Variants in ELF1 observed in about 807,000 individuals in gnomAD.
ELF1 encodes the protein ETS-related transcription factor Elf-1.
ELF1 carries 24 observed loss-of-function variants against 59.9 expected under a neutral mutation model. That is an observed-to-expected ratio of 0.40 (90% CI 0.29 to 0.56). The LOEUF is 0.56. Ranked by LOEUF, ELF1 falls within the 20% of genes least tolerant of loss-of-function variation. The pLI is 0.44. For synonymous variants in ELF1, 248 were observed against 266.2 expected (o/e 0.93, Z 0.67); for missense variants, 627 against 742.2 (o/e 0.84, Z 1.80).
chr13:40,984,815 G>C (rs552020451), intron 1 of ELF1, among the ~76,000 whole-genome samples: 11 of 152,316 alleles, frequency 7.2e-5, no homozygotes, highest in Admixed American at 2.0e-4. Context: ...CCAATGGCCA[G>C]TGTGAATACG....
intron 2 of ELF1, among the ~76,000 whole-genome samples, chr13:40,972,015 TAATA>T (rs1872573889): frequency 6.6e-6 from 1 of 152,116 alleles, no homozygotes; most frequent in African/African-American, 2.4e-5. Flanking sequence ...CTAAGTAGAT[TAATA>T]AATATCAGAG....
intron 1 of ELF1, among the ~76,000 whole-genome samples, chr13:41,013,510 C>T (rs775813001): frequency 8.5e-5 from 13 of 152,056 alleles, no homozygotes; most frequent in Non-Finnish European, 1.2e-4. Flanking sequence ...AGAGGTAAAA[C>T]TATAAAGAAA....
chr13:41,046,321 G>T (rs1876845196), intron 1 of ELF1, among the ~76,000 whole-genome samples: 1 of 152,168 alleles, frequency 6.6e-6, no homozygotes, highest in Admixed American at 6.5e-5. Flanking sequence ...ATTTGATCCT[G>T]TCATTACTAT....
intron 1 of ELF1, among the ~76,000 whole-genome samples, chr13:41,045,418 T>C (rs932602312): frequency 2.0e-5 from 3 of 152,222 alleles, no homozygotes; most frequent in African/African-American, 4.8e-5. Flanking sequence ...CTTTCTCTTG[T>C]GGGCATTTAG....
rs564775203 is a variant in ELF1, at chr13:40,997,767, T to C, written c.-228-15485A>G. Among the ~76,000 whole-genome samples, 11 of 152,340 alleles carry C rather than the reference T, an allele frequency of 7.2e-5. No individual in the cohort carries two copies. In the South Asian group the frequency reaches 2.3e-3, roughly 32 times the overall value. On this transcript the variant is annotated intron_variant, in intron 1 of 8. Transcript: ENST00000239882. Reference sequence around the variant, plus strand: ...ATCATCAAAGAGTTCTGATGTTTCATGTCAGGATCTTTAAAATGAGATTCT... The same window carrying C: ...ATCATCAAAGAGTTCTGATGTTTCACGTCAGGATCTTTAAAATGAGATTCT...
rs193294250 is a variant in ELF1 at position 40,966,703 on chromosome 13, T to A, written c.73-7687A>T. 1.6e-4 allele frequency among the ~76,000 whole-genome samples: 24 copies of A among 152,354 alleles called. No individual in the cohort carries two copies. The East Asian group carries it at 2.1e-3, about 13-fold the overall frequency. ...GTATCAAAAAGCACAAGAACTTTCA[T>A]ATAACTTGTTTACCAAGTTTCTCTA... is the stretch of plus-strand genomic sequence containing the variant. On this transcript the variant is annotated intron_variant, in intron 2 of 8. Coordinates refer to ENST00000239882, the MANE Select transcript of ELF1 (RefSeq NM_172373.4).
At chr13:40,976,136 G>T (rs1469825069) in intron 2 of ELF1, among the ~76,000 whole-genome samples, 9 of 152,178 alleles carry the variant, frequency 5.9e-5, no homozygotes, top group Non-Finnish European at 1.3e-4. Flanking sequence ...ATATGCAACA[G>T]GTATGAATGT....
At chr13:40,960,916 G>A (rs1032907852) in intron 2 of ELF1, among the ~76,000 whole-genome samples, 3 of 152,144 alleles carry the variant, frequency 2.0e-5, no homozygotes, top group African/African-American at 7.2e-5. Context: ...TGCCGCCCAA[G>A]CTAGAGTGCA....
At chr13:41,057,094 T>C (rs909158211) in intron 1 of ELF1, among the ~76,000 whole-genome samples, 10 of 151,922 alleles carry the variant, frequency 6.6e-5, no homozygotes, top group Non-Finnish European at 2.9e-5. Flanking sequence ...TTAAAATCCC[T>C]TCTACTTCTT....
intron 8 of ELF1, among the ~76,000 whole-genome samples, chr13:40,936,214 T>A (rs981919387): frequency 2.0e-5 from 3 of 152,278 alleles, no homozygotes; most frequent in African/African-American, 7.2e-5. Flanking sequence ...ATGTGCCGCC[T>A]TACCATTACA....
chr13:40,964,353 T>C (rs1173671201), intron 2 of ELF1, among the ~76,000 whole-genome samples: 1 of 152,164 alleles, frequency 6.6e-6, no homozygotes, highest in East Asian at 1.9e-4. Context: ...TTTCTCACAG[T>C]TCTGGAGGCT....
At chr13:41,017,372 G>A (rs1168781813) in intron 1 of ELF1, among the ~76,000 whole-genome samples, 1 of 152,094 alleles carries the variant, frequency 6.6e-6, no homozygotes, top group Non-Finnish European at 1.5e-5. Context: ...CAAATCACAG[G>A]ACCTCTGTGG....
intron 2 of ELF1, among the ~76,000 whole-genome samples, chr13:40,967,477 A>C (rs2138222533): frequency 6.6e-6 from 1 of 152,368 alleles, no homozygotes; most frequent in African/African-American, 2.4e-5. Context: ...AATGCATGGC[A>C]TATAGTAAGC....
At chr13:41,044,303 A>G (rs1013910615) in intron 1 of ELF1, among the ~76,000 whole-genome samples, 1 of 152,244 alleles carries the variant, frequency 6.6e-6, no homozygotes, top group Middle Eastern at 3.4e-3. Context: ...TCTCCTGCCT[A>G]ATTGCCCTGG....
chr13:40,938,320 GCATA>G (rs1426316927), intron 8 of ELF1, among the ~76,000 whole-genome samples: 1 of 152,100 alleles, frequency 6.6e-6, no homozygotes, highest in Admixed American at 6.6e-5. Flanking sequence ...TAAAAACTGA[GCATA>G]TATACTGTAC....
At chr13:41,002,126 C>G (rs957995632) in intron 1 of ELF1, among the ~76,000 whole-genome samples, 1 of 151,994 alleles carries the variant, frequency 6.6e-6, no homozygotes, top group Non-Finnish European at 1.5e-5. Flanking sequence ...GAAATAGGTA[C>G]AGATAAATCC....
In ELF1 at chr13:40,943,063, T is replaced by A. The variant is rs770471341; in HGVS notation, c.695A>T (p.Gln232Leu). ...ATCPKYIKWT[Q>L]REKGIFKLVD... ...CAATTTAAAAATGCCTTTCTCTCGC[T>A]GGGTCCACTTGATGTATTTAGGACA... Residue 232 changes from glutamine to leucine, a missense_variant, in exon 7 of 9, where the codon CAG becomes CTG. Gln to Leu is a moderately radical substitution (Grantham distance 113). This residue lies in a region of ELF1 where 34 missense variants were observed against 76.8 expected (regional missense o/e 0.44). Transcript: ENST00000239882. The A allele has an allele frequency of 6.2e-7, 1 of 1,613,208 alleles. No individual in the cohort carries two copies.
intron 1 of ELF1, among the ~76,000 whole-genome samples, chr13:41,000,062 T>C (rs1874336854): frequency 6.6e-6 from 1 of 152,154 alleles, no homozygotes; most frequent in Admixed American, 6.5e-5. Flanking sequence ...GATGCTGACT[T>C]AGTTATCCAA....
intron 1 of ELF1, among the ~76,000 whole-genome samples, chr13:41,007,448 T>C (rs544349159): frequency 3.3e-5 from 5 of 152,292 alleles, no homozygotes; most frequent in African/African-American, 9.6e-5. Context: ...AAATGATTGA[T>C]ACCACTGCCA....
Sources: allele counts gnomAD v4.1 joint callset (sites outside exome capture counted in the v4.1 genomes callset), GRCh38; gene constraint gnomAD v4.1.1; regional missense constraint gnomAD v4.1.1; transcripts MANE v1.5; gene names NCBI Gene and HGNC (gene_info 2026-07-23, HGNC 2026-07-21).